Variants in EYS observed in about 807,000 individuals in gnomAD.
EYS encodes protein eyes shut homolog.
EYS carries 250 observed loss-of-function variants against 282.1 expected under a neutral mutation model. That is an observed-to-expected ratio of 0.89 (90% CI 0.80 to 0.98). The LOEUF (loss-of-function observed/expected upper bound fraction) is 0.98. Ranked by LOEUF, EYS falls within the 50% of genes least tolerant of loss-of-function variation. The pLI is 0.00. For missense variants in EYS, 4,016 were observed against 3,709.0 expected, an observed-to-expected ratio of 1.08 and a Z score of -2.15; for synonymous variants, 1,355 against 1,282.9, an observed-to-expected ratio of 1.06 and a Z score of -1.20.
intron 39 of EYS, among the ~76,000 whole-genome samples, chr6:63,782,230 G>A (rs932281078): frequency 6.6e-6 from 1 of 152,118 alleles, no homozygotes; most frequent in African/African-American, 2.4e-5. Flanking sequence ...TTGTTTCTCT[G>A]CCAGGCTTTG....
intron 12 of EYS, among the ~76,000 whole-genome samples, chr6:65,111,344 C>A (rs191583635): frequency 5.0e-4 from 76 of 152,154 alleles, no homozygotes; most frequent in African/African-American, 1.7e-3. Context: ...TGTTTCTTAA[C>A]CCCTGTTTGT....
At chr6:64,807,328 T>C (rs1764461619) in intron 22 of EYS, among the ~76,000 whole-genome samples, 1 of 152,016 alleles carries the variant, frequency 6.6e-6, no homozygotes, top group South Asian at 2.1e-4. Context: ...TTCCCACTGA[T>C]TGTGACTTCA....
chr6:64,966,512 C>T (rs1055768751), intron 14 of EYS, among the ~76,000 whole-genome samples: 6 of 152,132 alleles, frequency 3.9e-5, no homozygotes, highest in Middle Eastern at 3.4e-3. Flanking sequence ...TATGTGAGGA[C>T]GAAAACAGGT....
intron 35 of EYS, among the ~76,000 whole-genome samples, chr6:63,911,243 A>G (rs79189257): frequency 1.3e-5 from 2 of 152,176 alleles, no homozygotes; most frequent in Admixed American, 1.3e-4. Context: ...TCTGAGGTCA[A>G]CTTCCTGCTG....
rs376040104 is a variant in EYS at position 64,671,988 on chromosome 6, G to A, written c.3444-45743C>T. ...AGAAGAAGTTATGTATCTTCAAAGCGCAATTATTTTATTGAATTCTTAGAA... is the reference window on the plus strand; with the variant it reads ...AGAAGAAGTTATGTATCTTCAAAGCACAATTATTTTATTGAATTCTTAGAA... On this transcript the variant is annotated intron_variant, in intron 22 of 42. Transcript: ENST00000503581. Among the ~76,000 whole-genome samples, 11 of 151,688 alleles carry A rather than the reference G, an allele frequency of 7.3e-5. No individual in the cohort carries two copies. The East Asian group carries it at 7.8e-4, about 11-fold the overall frequency.
At chr6:65,258,078 G>T (rs1767518532) in intron 12 of EYS, among the ~76,000 whole-genome samples, 1 of 151,914 alleles carries the variant, frequency 6.6e-6, no homozygotes, top group Non-Finnish European at 1.5e-5. Context: ...ATTGCAAATT[G>T]TATACCTATG....
chr6:64,830,702 C>T (rs1765187268), intron 19 of EYS, among the ~76,000 whole-genome samples: 1 of 151,922 alleles, frequency 6.6e-6, no homozygotes. Context: ...CAGGAAGAGA[C>T]AAATTATAAT....
Position 64,191,623 on chromosome 6 carries a change from C to T in EYS, c.6424+38969G>A, listed in dbSNP as rs1476796644. Among the ~76,000 whole-genome samples, 4 of 152,216 alleles carry T rather than the reference C, an allele frequency of 2.6e-5. No individual in the cohort carries two copies. The East Asian group carries it at 7.7e-4, about 29-fold the overall frequency. ...GATAGTTTACTGAGAATGATGATTT[C>T]CAATTTCATCCATGTCCCTACAAAG... On this transcript the variant is annotated intron_variant, in intron 31 of 42. Transcript: ENST00000503581.
At chr6:64,557,949 G>C (rs934190748) in intron 26 of EYS, among the ~76,000 whole-genome samples, 3 of 151,996 alleles carry the variant, frequency 2.0e-5, no homozygotes, top group African/African-American at 7.2e-5. Flanking sequence ...TTACAGACCT[G>C]TCAGCCTCTG....
chr6:65,319,254 C>T (rs1289812878), intron 11 of EYS, among the ~76,000 whole-genome samples: 1 of 146,308 alleles, frequency 6.8e-6, no homozygotes, highest in Non-Finnish European at 1.5e-5. Flanking sequence ...GTGGCACATG[C>T]CTGTAATCCC....
At chr6:64,705,407 G>A (rs1770969017) in intron 22 of EYS, among the ~76,000 whole-genome samples, 1 of 151,934 alleles carries the variant, frequency 6.6e-6, no homozygotes, top group African/African-American at 2.4e-5. Flanking sequence ...ACTGCCAAAA[G>A]CAATCTACAA....
chr6:65,621,186 C>G (rs564343567), intron 2 of EYS, among the ~76,000 whole-genome samples: 10 of 152,252 alleles, frequency 6.6e-5, no homozygotes, highest in Admixed American at 3.3e-4. Context: ...GTGTGGGAGT[C>G]TAAGTCTCTT....
intron 2 of EYS, among the ~76,000 whole-genome samples, chr6:65,619,728 A>C (rs544419531): frequency 6.6e-6 from 1 of 151,534 alleles, no homozygotes; most frequent in South Asian, 2.1e-4. Flanking sequence ...GATACGTCCC[A>C]TCAATACCTA....
intron 31 of EYS, among the ~76,000 whole-genome samples, chr6:64,107,707 T>A (rs2150264013): frequency 6.6e-6 from 1 of 152,182 alleles, no homozygotes; most frequent in South Asian, 2.1e-4. Flanking sequence ...GTCTTTTGCC[T>A]CCTAGTATTC....
chr6:64,119,351 C>T (rs1582295875), intron 31 of EYS, among the ~76,000 whole-genome samples: 1 of 152,156 alleles, frequency 6.6e-6, no homozygotes, highest in East Asian at 1.9e-4. Context: ...ATACGTATAC[C>T]ACTTGATTGA....
chr6:64,913,091 A>G (rs1041908566), intron 15 of EYS, among the ~76,000 whole-genome samples: 5 of 152,134 alleles, frequency 3.3e-5, no homozygotes, highest in African/African-American at 1.2e-4. Context: ...AGATGAGATC[A>G]CTATTTATAA....
At chr6:63,860,425 T>A (rs1562064492) in intron 36 of EYS, among the ~76,000 whole-genome samples, 1 of 152,210 alleles carries the variant, frequency 6.6e-6, no homozygotes, top group Non-Finnish European at 1.5e-5. Context: ...AATCTAGAAG[T>A]GTGGGAATAT....
intron 10 of EYS, among the ~76,000 whole-genome samples, chr6:65,342,183 A>T (rs929735130): frequency 6.6e-6 from 1 of 151,144 alleles, no homozygotes; most frequent in African/African-American, 2.4e-5. Flanking sequence ...TTATTTATTT[A>T]AAAAGGACTC....
intron 36 of EYS, among the ~76,000 whole-genome samples, chr6:63,808,456 T>C (rs1227278924): frequency 6.6e-6 from 1 of 152,168 alleles, no homozygotes; most frequent in East Asian, 1.9e-4. Context: ...GTGTGAATCA[T>C]AGATTAGACA....
Sources: allele counts gnomAD v4.1 joint callset (sites outside exome capture counted in the v4.1 genomes callset), GRCh38; gene constraint gnomAD v4.1.1; transcripts MANE v1.5; gene names NCBI Gene and HGNC (gene_info 2026-07-23, HGNC 2026-07-21).